The following ZFHX3 variants were observed in gnomAD, a reference collection of about 807,000 sequenced individuals.
ZFHX3 encodes the protein zinc finger homeobox 3, also known as zinc finger homeobox protein 3.
ZFHX3 carries 42 observed loss-of-function variants against 279.1 expected under a neutral mutation model. The ratio of observed to expected loss-of-function variants is 0.15; its 90% confidence interval spans 0.12 to 0.19. The LOEUF (loss-of-function observed/expected upper bound fraction) is 0.19. Ranked by LOEUF, ZFHX3 falls within the 10% of genes least tolerant of loss-of-function variation. The pLI is 1.00. For synonymous variants in ZFHX3, 2,293 were observed against 1,957.8 expected, an observed-to-expected ratio of 1.17 and a Z score of -4.52; for missense variants, 4,981 against 4,754.0, an observed-to-expected ratio of 1.05 and a Z score of -1.40.
chr16:73,352,474 CTTTTTTTTTTTTT>C (rs35974156), intron 3 of ZFHX3, among the ~76,000 whole-genome samples: 32 of 53,274 alleles, frequency 6.0e-4, no homozygotes, highest in African/African-American at 2.2e-3. Flanking sequence ...CTCTCTCTCT[CTTTTTTTTTTTTT>C]TTTTTTTTTT....
At chr16:73,084,483 A>C (rs981443692) in intron 8 of ZFHX3, among the ~76,000 whole-genome samples, 1 of 151,276 alleles carries the variant, frequency 6.6e-6, no homozygotes, top group African/African-American at 2.4e-5. Flanking sequence ...GCAATCCCAC[A>C]GCTACAAAAA....
chr16:72,820,846 C>A (rs141902206), intron 5 of ZFHX3, among the ~76,000 whole-genome samples: 5 of 152,282 alleles, frequency 3.3e-5, no homozygotes, highest in African/African-American at 1.2e-4. Flanking sequence ...CCCAGAGGTG[C>A]AGGACATAGA....
intron 1 of ZFHX3, among the ~76,000 whole-genome samples, chr16:73,704,013 T>C (rs558029767): frequency 1.3e-5 from 2 of 152,308 alleles, no homozygotes; most frequent in African/African-American, 4.8e-5. Flanking sequence ...TTGCAAAGTG[T>C]AGACATCTGT....
At chr16:73,726,417 G>A (rs779538717) in intron 1 of ZFHX3, among the ~76,000 whole-genome samples, 6 of 152,146 alleles carry the variant, frequency 3.9e-5, no homozygotes, top group Non-Finnish European at 8.8e-5. Context: ...TGGCATTTTG[G>A]GCCAGACATG....
intron 3 of ZFHX3, among the ~76,000 whole-genome samples, chr16:72,928,219 AGC>A (rs1959592419): frequency 1.5e-5 from 1 of 68,964 alleles, no homozygotes; most frequent in African/African-American, 5.2e-5. Context: ...AGCGAAGGGG[AGC>A]GAGGGGGAGC....
intron 2 of ZFHX3, among the ~76,000 whole-genome samples, chr16:73,653,176 T>C (rs1328552692): frequency 6.6e-6 from 1 of 152,208 alleles, no homozygotes; most frequent in Non-Finnish European, 1.5e-5. Flanking sequence ...TGCTAATTAT[T>C]GGATGGACAG....
chr16:73,076,354 G>T (rs996002091), intron 8 of ZFHX3, among the ~76,000 whole-genome samples: 1 of 152,190 alleles, frequency 6.6e-6, no homozygotes, highest in Non-Finnish European at 1.5e-5. Flanking sequence ...ACTGGGAAGT[G>T]GAGCAATGAG....
In ZFHX3 at chr16:72,959,182, T is replaced by C. The variant is rs201965162; in HGVS notation, c.964A>G (p.Ile322Val). The C allele has an allele frequency of 5.0e-5, 80 of 1,614,222 alleles. No individual in the cohort carries two copies. In the African/African-American group the frequency reaches 8.7e-4, roughly 17 times the overall value. Residue 322 changes from isoleucine (I) to valine (V), a missense_variant, in exon 2 of 10, where the codon ATC becomes GTC. This residue lies in a region of ZFHX3 where 1,068 missense variants were observed against 935.2 expected (regional missense o/e 1.14). Coordinates refer to ENST00000268489, the MANE Select transcript of ZFHX3 (RefSeq NM_006885.4). The part of the protein sequence containing the change: ...DERKILSNKN[I>V]SAIIQGIGKD... ...CCGATCCCTTGGATGATAGCGGAGA[T>C]GTTCTTATTGCTAAGAATTTTCCGC... is the stretch of plus-strand genomic sequence containing the variant.
chr16:73,071,126 TAA>T (rs60071630), intron 8 of ZFHX3, among the ~76,000 whole-genome samples: 23 of 120,912 alleles, frequency 1.9e-4, no homozygotes, highest in East Asian at 1.5e-3. Context: ...ATTTCTAAAT[TAA>T]AAAAAAAAAA....
chr16:73,143,085 T>C (rs1966851688), intron 6 of ZFHX3, among the ~76,000 whole-genome samples: 1 of 152,170 alleles, frequency 6.6e-6, no homozygotes, highest in Non-Finnish European at 1.5e-5. Flanking sequence ...ACAGATTTTT[T>C]TTTTTTAACT....
intron 1 of ZFHX3, among the ~76,000 whole-genome samples, chr16:73,819,306 T>C (rs1960668072): frequency 6.6e-6 from 1 of 150,912 alleles, no homozygotes; most frequent in Non-Finnish European, 1.5e-5. Flanking sequence ...TGTAGGATAT[T>C]TGGCATCATC....
At chr16:73,473,377 AT>A (rs2018710423) in intron 2 of ZFHX3, among the ~76,000 whole-genome samples, 2 of 150,822 alleles carry the variant, frequency 1.3e-5, no homozygotes, top group African/African-American at 5.0e-5. Flanking sequence ...AAAAAACAAA[AT>A]AATAAGCTAT....
chr16:73,717,809 T>C (rs977357434), intron 1 of ZFHX3, among the ~76,000 whole-genome samples: 3 of 152,212 alleles, frequency 2.0e-5, no homozygotes, highest in African/African-American at 7.2e-5. Context: ...TTAAGATTTT[T>C]ACGAGACATT....
At chr16:73,508,931 T>A (rs561961575) in intron 2 of ZFHX3, among the ~76,000 whole-genome samples, 3 of 152,308 alleles carry the variant, frequency 2.0e-5, no homozygotes, top group African/African-American at 7.2e-5. Context: ...CTGTACTGAA[T>A]CTACAAAGCC....
chr16:73,724,886 C>T (rs149986168), intron 1 of ZFHX3, among the ~76,000 whole-genome samples: 365 of 152,326 alleles, frequency 2.4e-3, no homozygotes, highest in South Asian at 4.1e-3. Flanking sequence ...TCATCAGGCC[C>T]CCTTGGGGGA....
intron 2 of ZFHX3, among the ~76,000 whole-genome samples, chr16:73,495,831 A>G (rs1448897179): frequency 6.6e-6 from 1 of 152,166 alleles, no homozygotes; most frequent in Non-Finnish European, 1.5e-5. Context: ...CCCCTCATCA[A>G]TGCACATTTC....
chr16:73,634,432 TA>T (rs370803421), intron 2 of ZFHX3, among the ~76,000 whole-genome samples: 102,160 of 132,628 alleles, frequency 0.77, 37,276 homozygotes, highest in Middle Eastern at 0.91. Flanking sequence ...TTATTATGTA[TA>T]ATATATATAT....
intron 2 of ZFHX3, among the ~76,000 whole-genome samples, chr16:73,596,910 A>T (rs1243219325): frequency 6.6e-6 from 1 of 152,148 alleles, no homozygotes; most frequent in Non-Finnish European, 1.5e-5. Flanking sequence ...TATTGATTCT[A>T]CTTAAAGCCT....
chr16:73,584,854 A>G (rs1447706065), intron 2 of ZFHX3, among the ~76,000 whole-genome samples: 6 of 152,218 alleles, frequency 3.9e-5, no homozygotes, highest in African/African-American at 1.4e-4. Flanking sequence ...CAAAGGGCTA[A>G]TATCCAGAAT....
Sources: allele counts gnomAD v4.1 joint callset (sites outside exome capture counted in the v4.1 genomes callset), GRCh38; gene constraint gnomAD v4.1.1; regional missense constraint gnomAD v4.1.1; transcripts MANE v1.5; gene names NCBI Gene and HGNC (gene_info 2026-07-23, HGNC 2026-07-21).